The following WDR70 variants were observed in gnomAD, a reference collection of about 807,000 sequenced individuals.
The protein encoded by WDR70 is WD repeat domain 70.
A neutral mutation model predicts 88.6 loss-of-function variants in WDR70; 53 were observed. The ratio of observed to expected loss-of-function variants is 0.60; its 90% CI spans 0.48 to 0.75. The LOEUF is 0.75. WDR70 is among the 30% of genes least tolerant of loss of function. The pLI is 0.00. For synonymous variants in WDR70, 280 were observed against 270.0 expected (o/e 1.04, Z -0.36); for missense variants, 610 against 823.2 (o/e 0.74, Z 3.17).
In WDR70 at chr5:37,482,612, A is replaced by C. The variant is rs895134710; in HGVS notation, c.840+2625A>C. Reference sequence around the variant, plus strand: ...TGCAAGGTGAGATTTGGGTGGGGACACATCCAAACTATATCAGTAGGTTTT... The same window carrying C: ...TGCAAGGTGAGATTTGGGTGGGGACCCATCCAAACTATATCAGTAGGTTTT... On this transcript the variant is annotated intron_variant, in intron 8 of 17. Coordinates refer to ENST00000265107, the MANE Select transcript of WDR70 (RefSeq NM_018034.4). 4.5e-4 allele frequency among the ~76,000 whole-genome samples: 68 copies of C among 152,336 alleles called. 1 individual carries two copies. The highest frequency in any genetic ancestry group is 3.4e-3 in the Middle Eastern group (1 of 294).
chr5:37,638,163 A>G (rs1228768171), intron 10 of WDR70, among the ~76,000 whole-genome samples: 2 of 152,178 alleles, frequency 1.3e-5, no homozygotes, highest in Non-Finnish European at 2.9e-5. Flanking sequence ...TGCAGTTGAG[A>G]ATGCCATCTG....
At chr5:37,728,634 T>C (rs1459527575) in intron 17 of WDR70, among the ~76,000 whole-genome samples, 1 of 152,186 alleles carries the variant, frequency 6.6e-6, no homozygotes, top group Non-Finnish European at 1.5e-5. Flanking sequence ...AGAGATGTTG[T>C]GTCCTTCTCA....
intron 9 of WDR70, among the ~76,000 whole-genome samples, chr5:37,542,051 G>A (rs1741834989): frequency 1.3e-5 from 2 of 152,124 alleles, no homozygotes; most frequent in Admixed American, 1.3e-4. Flanking sequence ...TTATGAAAAA[G>A]TAGGGAATTA....
At position 37,724,979 on chromosome 5, in the gene WDR70, G is replaced by A; in HGVS notation, c.1643G>A (p.Arg548Lys). 6.2e-7 allele frequency: 1 copy of A among 1,613,680 alleles called. No individual in the cohort carries two copies. The change falls in exon 16 of 18, where the codon AGG (arginine) becomes AAG (lysine). Residue 548 changes from arginine (R) to lysine (K), a missense_variant. Around this residue, in one of 4 missense-constraint regions of WDR70, gnomAD observed 70 missense variants for 139.2 expected, o/e 0.50. Coordinates refer to ENST00000265107, the MANE Select transcript of WDR70 (RefSeq NM_018034.4). ...MFREPRQRST[R>K]KQLEKDRLDP... The stretch of plus-strand genomic sequence containing the variant: ...CGTGAGCCCCGCCAACGGAGTACAA[G>A]GAAACAGCTGGAGAAGGACAGACTG...
At chr5:37,481,052 G>A (rs879290279) in intron 8 of WDR70, among the ~76,000 whole-genome samples, 32 of 152,314 alleles carry the variant, frequency 2.1e-4, no homozygotes, top group African/African-American at 5.8e-4. Flanking sequence ...GACTCCATGT[G>A]TCACATCCAG....
At chr5:37,563,180 C>A (rs1376627620) in intron 9 of WDR70, among the ~76,000 whole-genome samples, 2 of 59,572 alleles carry the variant, frequency 3.4e-5, no homozygotes, top group African/African-American at 9.5e-5. Flanking sequence ...GGGGGGCTGA[C>A]CCCCCCACCT....
At chr5:37,684,578 C>G (rs1156635127) in intron 10 of WDR70, among the ~76,000 whole-genome samples, 1 of 152,254 alleles carries the variant, frequency 6.6e-6, no homozygotes, top group Non-Finnish European at 1.5e-5. Context: ...TCCGCTCCCA[C>G]TCCCGACTCC....
At chr5:37,601,000 C>T (rs933951022) in intron 9 of WDR70, among the ~76,000 whole-genome samples, 3 of 152,236 alleles carry the variant, frequency 2.0e-5, no homozygotes, top group Admixed American at 6.5e-5. Context: ...GAGACAATTT[C>T]ACTTCTTTCC....
At chr5:37,461,746 G>A (rs538678169) in intron 7 of WDR70, among the ~76,000 whole-genome samples, 46 of 152,240 alleles carry the variant, frequency 3.0e-4, no homozygotes, top group African/African-American at 1.1e-3. Flanking sequence ...GCCTCCCAAA[G>A]TGCTGGGATT....
chr5:37,508,303 C>G (rs1740622646), intron 8 of WDR70, among the ~76,000 whole-genome samples: 1 of 152,154 alleles, frequency 6.6e-6, no homozygotes, highest in Non-Finnish European at 1.5e-5. Flanking sequence ...GATACCAGAG[C>G]TTTCTGTCTC....
At chr5:37,425,732 A>G (rs1250123589) in intron 5 of WDR70, among the ~76,000 whole-genome samples, 2 of 152,172 alleles carry the variant, frequency 1.3e-5, no homozygotes, top group Non-Finnish European at 2.9e-5. Context: ...TTTTTGAGTA[A>G]TGGCATAATT....
At chr5:37,427,663 G>T (rs1324805840) in intron 5 of WDR70, among the ~76,000 whole-genome samples, 2 of 152,006 alleles carry the variant, frequency 1.3e-5, no homozygotes, top group African/African-American at 4.8e-5. Flanking sequence ...ATCGCTTGAG[G>T]ATCACCTGAG....
At chr5:37,668,441 A>G (rs1745926857) in intron 10 of WDR70, among the ~76,000 whole-genome samples, 1 of 152,216 alleles carries the variant, frequency 6.6e-6, no homozygotes, top group Non-Finnish European at 1.5e-5. Flanking sequence ...GGTCTTCTGT[A>G]GGACTTAAAA....
At chr5:37,484,909 A>G (rs1448320975) in intron 8 of WDR70, among the ~76,000 whole-genome samples, 1 of 152,206 alleles carries the variant, frequency 6.6e-6, no homozygotes, top group African/African-American at 2.4e-5. Context: ...CATTGCTTCT[A>G]TCATGTCCAC....
chr5:37,452,267 A>AT (rs35672808), intron 7 of WDR70, among the ~76,000 whole-genome samples: 37,508 of 141,668 alleles, frequency 0.26, 5,343 homozygotes, highest in East Asian at 0.48. Context: ...TTTGAGACTG[A>AT]TTTTTTTTTT....
At chr5:37,696,165 G>A (rs966933699) in intron 10 of WDR70, among the ~76,000 whole-genome samples, 1 of 152,080 alleles carries the variant, frequency 6.6e-6, no homozygotes, top group African/African-American at 2.4e-5. Flanking sequence ...TTAACTGAGT[G>A]TCTGCCATAC....
chr5:37,693,476 G>A (rs1746875511), intron 10 of WDR70, among the ~76,000 whole-genome samples: 1 of 152,196 alleles, frequency 6.6e-6, no homozygotes, highest in African/African-American at 2.4e-5. Flanking sequence ...CAAGGTTACA[G>A]TAACCAAAAC....
At chr5:37,536,172 A>G (rs1741663009) in intron 9 of WDR70, among the ~76,000 whole-genome samples, 1 of 152,132 alleles carries the variant, frequency 6.6e-6, no homozygotes, top group African/African-American at 2.4e-5. Context: ...ACTGGGTTTC[A>G]TTGTATTCCC....
At chr5:37,522,785 T>C (rs1581362818) in intron 9 of WDR70, among the ~76,000 whole-genome samples, 1 of 152,188 alleles carries the variant, frequency 6.6e-6, no homozygotes, top group Non-Finnish European at 1.5e-5. Context: ...CCCACCCTAA[T>C]ACTGTGCTTT....
Sources: allele counts gnomAD v4.1 joint callset (sites outside exome capture counted in the v4.1 genomes callset), GRCh38; gene constraint gnomAD v4.1.1; regional missense constraint gnomAD v4.1.1; transcripts MANE v1.5; gene names NCBI Gene and HGNC (gene_info 2026-07-23, HGNC 2026-07-21).